Variants in GAPVD1 observed in about 807,000 individuals in gnomAD.
GAPVD1 encodes the protein GTPase-activating protein and VPS9 domain-containing protein 1.
Under a neutral mutation model 155.5 loss-of-function variants are expected in GAPVD1, and 35 were observed. The observed-to-expected ratio is 0.23, with a 90% CI of 0.17 to 0.30. GAPVD1 has a LOEUF of 0.30. Ranked by LOEUF, GAPVD1 falls within the 10% of genes least tolerant of loss-of-function variation. GAPVD1 has a pLI of 1.00. For synonymous variants in GAPVD1, 636 were observed against 619.7 expected (o/e 1.03, Z -0.39); for missense variants, 1,429 against 1,775.7 (o/e 0.80, Z 3.51).
At chr9:125,308,134 T>C in intron 8 of GAPVD1, 2 of 545,572 alleles carry the variant, frequency 3.7e-6, no homozygotes, top group African/African-American at 3.8e-5. Flanking sequence ...TTAAATTTTA[T>C]TGTCTTTTCT....
chr9:125,330,041 A>G, intron 12 of GAPVD1, 37 bp from the exon 13 acceptor site: 2 of 1,540,876 alleles, frequency 1.3e-6, no homozygotes, highest in South Asian at 1.2e-5. Flanking sequence ...TTCCTCCAGG[A>G]TCTTTGTTAA....
intron 11 of GAPVD1, among the ~76,000 whole-genome samples, chr9:125,325,911 A>T (rs1845101956): frequency 6.6e-6 from 1 of 152,216 alleles, no homozygotes; most frequent in Non-Finnish European, 1.5e-5. Flanking sequence ...ATTCTGTGCC[A>T]TTCTGAATAA....
chr9:125,302,827 G>GTATGCTTTTGCTATTATTAT lies in GAPVD1; in HGVS notation c.1029+4_1029+23dup. 1 of 1,583,832 alleles carries GTATGCTTTTGCTATTATTAT rather than the reference G, an allele frequency of 6.3e-7. No individual in the cohort carries two copies. Among genetic ancestry groups the GTATGCTTTTGCTATTATTAT allele is most frequent in the Non-Finnish European group, 8.6e-7 (1 of 1,165,204 alleles). ...AGTAGCACGATTTAATCTGATGCAG[G>GTATGCTTTTGCTATTATTAT]TATGCTTTTGCTATTATTATTAACG... On this transcript the variant is annotated splice_donor_variant, in intron 5 of 27. Transcript: ENST00000297933. LOFTEE classifies it high-confidence loss of function.
chr9:125,336,795 G>A, intron 15 of GAPVD1: 1 of 524,558 alleles, frequency 1.9e-6, no homozygotes, highest in South Asian at 2.4e-5. Context: ...GCATGTAGAT[G>A]CCAGACCACT....
rs1243246612 is a variant in GAPVD1, at chr9:125,328,188, CTT to C, written c.2032+1615_2032+1616del. ...ATTTTTAAGTAGTGCAAATAGATTT[CTT>C]TTTTTTTTTTTTTTTAAATTTATTT... On this transcript the variant is annotated intron_variant, in intron 12 of 27. Coordinates refer to ENST00000297933, the MANE Select transcript of GAPVD1 (RefSeq NM_001282680.3). Among the ~76,000 whole-genome samples the C allele has an allele frequency of 5.9e-4, 65 of 110,994 alleles. No homozygotes were observed. The East Asian group carries it at 7.6e-3, about 13-fold the overall frequency. The allele number at this position is 110,994 out of a possible 152,430, so 72.8% of individuals were successfully genotyped here. A position where few individuals can be genotyped will look rare whatever the true frequency, so the allele number is the denominator to read the frequency against.
chr9:125,291,546 G>A (rs1838614501), intron 2 of GAPVD1, among the ~76,000 whole-genome samples: 1 of 152,136 alleles, frequency 6.6e-6, no homozygotes, highest in Admixed American at 6.6e-5. Flanking sequence ...AAGTCTTGTT[G>A]TGGGGTCATA....
At chr9:125,284,620 G>C (rs1466253266) in intron 2 of GAPVD1, among the ~76,000 whole-genome samples, 1 of 151,970 alleles carries the variant, frequency 6.6e-6, no homozygotes, top group Non-Finnish European at 1.5e-5. Context: ...GCCTCCTTCA[G>C]AATTTTAATG....
At chr9:125,343,344 T>G (rs1181618076) in intron 19 of GAPVD1, among the ~76,000 whole-genome samples, 2 of 152,152 alleles carry the variant, frequency 1.3e-5, no homozygotes, top group East Asian at 3.9e-4. Flanking sequence ...CTCACCTCTT[T>G]TTTTTGATTT....
chr9:125,266,318 T>A (rs888370670), intron 1 of GAPVD1, among the ~76,000 whole-genome samples: 12 of 151,272 alleles, frequency 7.9e-5, no homozygotes, highest in Middle Eastern at 3.4e-3. Context: ...TATTTTATTT[T>A]ATTTTTTTTT....
rs151313530 is a variant in GAPVD1 at position 125,355,852 on chromosome 9, C to T, written c.3966C>T (p.Arg1322=). The change falls in exon 25 of 28, where the codon CGC becomes CGT. Residue 1322 remains arginine, a synonymous_variant. Coordinates refer to ENST00000297933, the MANE Select transcript of GAPVD1 (RefSeq NM_001282680.3). The part of the protein sequence containing the change: ...FYPNQDGDIL[R]DQVLHEHIQR... Reference sequence around the variant, plus strand: ...CTAATCAAGATGGGGACATACTTCGCGACCAGTAAGTACTTCTATGTTGAG... The same window carrying T: ...CTAATCAAGATGGGGACATACTTCGTGACCAGTAAGTACTTCTATGTTGAG... The T allele has an allele frequency of 4.5e-5, 70 of 1,572,384 alleles. No homozygotes were observed. The highest frequency in any genetic ancestry group is 5.5e-5 in the South Asian group (5 of 90,290).
Position 125,364,702 on chromosome 9 carries a change from A to G in GAPVD1, c.*1956A>G, listed in dbSNP as rs189460055. 7.0e-4 allele frequency: 107 copies of G among 152,718 alleles called. No individual in the cohort carries two copies. Among genetic ancestry groups the G allele is most frequent in the Middle Eastern group, 3.4e-3 (1 of 294 alleles). 9.5% of individuals were successfully genotyped at this position (152,718 alleles called of 1,614,324 possible). ...AAATGTCCTTTTGAATGTTAGGTCAAGAAATCCATGTACAGAGTCGTGCAC... is the reference window on the plus strand; with the variant it reads ...AAATGTCCTTTTGAATGTTAGGTCAGGAAATCCATGTACAGAGTCGTGCAC... On this transcript the variant is annotated 3_prime_UTR_variant, in exon 28 of 28. Coordinates refer to ENST00000297933, the MANE Select transcript of GAPVD1 (RefSeq NM_001282680.3).
chr9:125,296,521 A>T (rs1839905828), intron 3 of GAPVD1, among the ~76,000 whole-genome samples: 1 of 149,078 alleles, frequency 6.7e-6, no homozygotes, highest in Non-Finnish European at 1.5e-5. Flanking sequence ...TGCCCGGCTA[A>T]TTTTGTGTTT....
In GAPVD1 at chr9:125,286,403, C is replaced by A. The variant is rs567234748; in HGVS notation, c.-149-9055C>A. Among the ~76,000 whole-genome samples the A allele has an allele frequency of 9.2e-5, 14 of 151,992 alleles. 1 individual carries two copies. The highest frequency in any genetic ancestry group is 9.2e-4 in the Admixed American group (14 of 15,242). On this transcript the variant is annotated intron_variant, in intron 2 of 27. Transcript: ENST00000297933. Reference sequence around the variant, plus strand: ...AAGCAATCTGCCTGCCTTGGCTTCCCAAAGTGCTGGAATTACAGGCATGAA... The same window carrying A: ...AAGCAATCTGCCTGCCTTGGCTTCCAAAAGTGCTGGAATTACAGGCATGAA...
intron 2 of GAPVD1, chr9:125,287,776 T>C (rs963373345): frequency 9.8e-5 from 15 of 152,344 alleles, no homozygotes; most frequent in African/African-American, 3.6e-4. Context: ...AGTCTTGCTC[T>C]GTCACCTAGG....
chr9:125,290,933 A>G (rs928898254), intron 2 of GAPVD1, among the ~76,000 whole-genome samples: 13 of 149,626 alleles, frequency 8.7e-5, no homozygotes, highest in African/African-American at 3.2e-4. Context: ...TCAAGGCTGC[A>G]TTGAGCCGTG....
In GAPVD1 at chr9:125,302,421, T is replaced by G; in HGVS notation, c.624T>G (p.Leu208=). The G allele has an allele frequency of 6.2e-7, 1 of 1,613,846 alleles. No individual in the cohort carries two copies. ...TACATGAGCCAATTATGCAACTGCT[T>G]GTTGAAGATGAAGATCACCTGGAAA... ...ATLHEPIMQL[L]VEDEDHLETD... Residue 208 remains leucine (L), a synonymous_variant, in exon 5 of 28, where the codon CTT becomes CTG. Transcript: ENST00000297933.
At chr9:125,359,562 C>G in intron 26 of GAPVD1, 70 bp downstream of exon 26, 1 of 792,908 alleles carries the variant, frequency 1.3e-6, no homozygotes, top group Non-Finnish European at 2.2e-6. Context: ...TATAATGTTA[C>G]CACGTGTTCA....
rs1253196239 is a variant in GAPVD1 at position 125,365,236 on chromosome 9, A to G, written c.*2490A>G. 1 of 152,140 alleles carries G rather than the reference A, an allele frequency of 6.6e-6. No individual in the cohort carries two copies. Among genetic ancestry groups the G allele is most frequent in the African/African-American group, 2.4e-5 (1 of 41,414 alleles). 9.4% of individuals were successfully genotyped at this position (152,140 alleles called of 1,614,324 possible). ...GGGGCAGCTAAGGTTTCCTCTGAAA[A>G]TCTGTCAGGAGCAAGGACTACTTTG... On this transcript the variant is annotated 3_prime_UTR_variant, in exon 28 of 28. Coordinates refer to ENST00000297933, the MANE Select transcript of GAPVD1 (RefSeq NM_001282680.3).
At chr9:125,354,407 C>A (rs1022547022) in intron 23 of GAPVD1, among the ~76,000 whole-genome samples, 2 of 152,080 alleles carry the variant, frequency 1.3e-5, no homozygotes, top group African/African-American at 4.8e-5. Flanking sequence ...GTCTTCAGCC[C>A]CATAGATCCT....
Sources: gnomAD v4.1 joint callset for allele counts (sites outside exome capture counted in the v4.1 genomes callset) on GRCh38, gnomAD v4.1.1 for gene constraint, MANE v1.5 for transcripts, NCBI Gene and HGNC (gene_info 2026-07-23, HGNC 2026-07-21) for gene names.